The following PML variants were observed in gnomAD, a reference collection of about 807,000 sequenced individuals.
PML encodes the protein PML nuclear body scaffold, also known as protein PML.
A neutral mutation model predicts 65.2 loss-of-function variants in PML; 28 were observed. That is an observed-to-expected ratio of 0.43 (90% CI 0.32 to 0.59). PML has a LOEUF of 0.59. Ranked by LOEUF, PML falls within the 20% of genes least tolerant of loss-of-function variation. PML has a pLI of 0.08. For missense variants in PML, 1,021 were observed against 1,203.4 expected (o/e 0.85, Z 2.24); for synonymous variants, 500 against 508.8 (o/e 0.98, Z 0.23).
chr15:74,001,877 G>A (rs1325566627), intron 2 of PML, among the ~76,000 whole-genome samples: 1 of 151,978 alleles, frequency 6.6e-6, no homozygotes, highest in Admixed American at 6.6e-5. Flanking sequence ...GGTGGTACAT[G>A]CTTGTAGTCC....
intron 4 of PML, chr15:74,025,143 G>C (rs2071016217): frequency 1.8e-6 from 1 of 569,202 alleles, no homozygotes; most frequent in Admixed American, 2.9e-5. Context: ...TGCCAAAGTT[G>C]CTCTTGATGG....
At chr15:74,025,674 T>G (rs2071041516) in intron 4 of PML, 1 of 152,554 alleles carries the variant, frequency 6.6e-6, no homozygotes, top group African/African-American at 2.4e-5. Context: ...CTCCCAACTC[T>G]GGACTGCTCT....
At chr15:74,039,665 G>A (rs558929087) in intron 7 of PML, among the ~76,000 whole-genome samples, 8 of 152,140 alleles carry the variant, frequency 5.3e-5, no homozygotes, top group Admixed American at 1.3e-4. Flanking sequence ...GATTCTAATC[G>A]AATCAGTCTT....
chr15:74,035,802 G>A lies in PML; in HGVS notation c.1710+1272G>A. On this transcript the variant is annotated intron_variant, in intron 7 of 8. Coordinates refer to ENST00000268058, the MANE Select transcript of PML (RefSeq NM_033238.3). The surrounding 1 kb of genome is among the most constrained non-coding windows in gnomAD (Gnocchi z 4.1). ...CAGAGCCCAGACTCTTGGAGCAGGTGTTCCCCCTGGGGACTCTGTCAGAGG... is the reference window on the plus strand; with the variant it reads ...CAGAGCCCAGACTCTTGGAGCAGGTATTCCCCCTGGGGACTCTGTCAGAGG... 6.2e-7 allele frequency: 1 copy of A among 1,614,042 alleles called. No individual in the cohort carries two copies. Among genetic ancestry groups the A allele is most frequent in the Non-Finnish European group, 8.5e-7 (1 of 1,179,996 alleles).
intron 1 of PML, among the ~76,000 whole-genome samples, chr15:73,995,438 G>A (rs1482376867): frequency 1.3e-5 from 2 of 152,184 alleles, no homozygotes; most frequent in African/African-American, 4.8e-5. Context: ...CAGCTCATGT[G>A]GTTTCTGCTT....
chr15:74,043,363 G>C lies in PML; in HGVS notation c.1861+224G>C. ...ATCCAGTGCCTGAGTGTGCGAGAGA[G>C]GCAGATGCCTCCACAAGTGCACCTC... On this transcript the variant is annotated intron_variant, in intron 8 of 8. Coordinates refer to ENST00000268058, the MANE Select transcript of PML (RefSeq NM_033238.3). The surrounding 1 kb of genome is among the most constrained non-coding windows in gnomAD (Gnocchi z 4.3). 6.9e-7 allele frequency: 1 copy of C among 1,440,796 alleles called. No individual in the cohort carries two copies. The highest frequency in any genetic ancestry group is 9.1e-7 in the Non-Finnish European group (1 of 1,104,520). The allele number at this position is 1,440,796 out of a possible 1,614,324, so 89.3% of individuals were successfully genotyped here.
chr15:74,030,860 C>A (rs12901885), intron 4 of PML, among the ~76,000 whole-genome samples: 1 of 151,898 alleles, frequency 6.6e-6, no homozygotes, highest in African/African-American at 2.4e-5. Flanking sequence ...CATTTTAACT[C>A]TTGAAGTGTG....
chr15:74,032,622 T>C lies in PML; in HGVS notation c.1305T>C (p.Ala435=). ...CCCAGGTTCAGGCCCTGGGGCTGGC[T>C]GAAGCCCAGCCTATGGCTGTGGTAC... ...VKAQVQALGL[A]EAQPMAVVQS... Residue 435 remains alanine, a synonymous_variant, in exon 5 of 9, where the codon GCT becomes GCC. Coordinates refer to ENST00000268058, the MANE Select transcript of PML (RefSeq NM_033238.3). 6.2e-7 allele frequency: 1 copy of C among 1,614,068 alleles called. No individual in the cohort carries two copies. Among genetic ancestry groups the C allele is most frequent in the East Asian group, 2.2e-5 (1 of 44,874 alleles).
At position 74,044,568 on chromosome 15, in the gene PML, A is replaced by G; in HGVS notation, c.2209A>G (p.Asn737Asp). 6.2e-7 allele frequency: 1 copy of G among 1,612,172 alleles called. No homozygotes were observed. Residue 737 changes from asparagine to aspartate, a missense_variant, in exon 9 of 9, where the codon AAC (asparagine) becomes GAC (aspartate). Asn to Asp is a conservative substitution (Grantham distance 23). Coordinates refer to ENST00000268058, the MANE Select transcript of PML (RefSeq NM_033238.3). ...KNLAQTYLAR[N>D]MSERSAMAAV... is the part of the protein sequence containing the mutation. ...CCTGGCCCAGACCTACCTGGCGAGA[A>G]ACATGAGCGAGCGCAGCGCCATGGC...
chr15:74,031,279 T>G (rs1176898677), intron 4 of PML: 1 of 444,072 alleles, frequency 2.3e-6, no homozygotes, highest in Non-Finnish European at 4.5e-6. Flanking sequence ...AATTTATTAT[T>G]ATTATTAGTG....
chr15:74,031,787 G>A (rs990009050), intron 4 of PML, among the ~76,000 whole-genome samples: 13 of 152,182 alleles, frequency 8.5e-5, no homozygotes, highest in Admixed American at 8.5e-4. Context: ...ACTGTGCCTG[G>A]CACAGAGTAG....
chr15:74,044,918 G>A lies in PML; in HGVS notation c.2559G>A (p.Leu853=). The change falls in exon 9 of 9, where the codon CTG becomes CTA. Residue 853 remains leucine (L), a synonymous_variant. Coordinates refer to ENST00000268058, the MANE Select transcript of PML (RefSeq NM_033238.3). ...LQALGTYFEG[L]LEGPALARAE... is the part of the protein sequence containing the mutation. Reference sequence around the variant, plus strand: ...CTCTGGGCACCTACTTTGAAGGCCTGTTGGAGGGTCCGGCGCTGGCACGGG... The same window carrying A: ...CTCTGGGCACCTACTTTGAAGGCCTATTGGAGGGTCCGGCGCTGGCACGGG... 1 of 1,613,510 alleles carries A rather than the reference G, an allele frequency of 6.2e-7. No homozygotes were observed. The highest frequency in any genetic ancestry group is 8.5e-7 in the Non-Finnish European group (1 of 1,180,026).
rs535665071 is a variant in PML at position 74,016,792 on chromosome 15, C to CTTTTT, written c.603-6018_603-6014dup. Among the ~76,000 whole-genome samples the CTTTTT allele has an allele frequency of 1.5e-4, 12 of 77,640 alleles. 1 individual carries two copies. Among genetic ancestry groups the CTTTTT allele is most frequent in the African/African-American group, 1.9e-4 (4 of 20,898 alleles). The allele number at this position is 77,640 out of a possible 152,430, so 50.9% of individuals were successfully genotyped here. On this transcript the variant is annotated intron_variant, in intron 2 of 8. Transcript: ENST00000268058. ...TTTTGAATTTTTTAGGCAGTGGCAT[C>CTTTTT]TTTTTTTTTTTTTTTTTTTTTTGAG...
In PML at chr15:74,045,728, A is replaced by G. The variant is rs952548271; in HGVS notation, c.*720A>G. On this transcript the variant is annotated 3_prime_UTR_variant, in exon 9 of 9. Coordinates refer to ENST00000268058, the MANE Select transcript of PML (RefSeq NM_033238.3). ...CTCAGGCCACCAGACCCCTCACAGC[A>G]TGGCCCTTGGCTCTTCCTGCACTGC... The G allele has an allele frequency of 9.0e-5, 21 of 233,558 alleles. No homozygotes were observed. Among genetic ancestry groups the G allele is most frequent in the African/African-American group, 4.4e-4 (20 of 45,292 alleles). The allele number at this position is 233,558 out of a possible 1,614,324, so 14.5% of individuals were successfully genotyped here.
At chr15:74,000,771 T>G (rs1269482219) in intron 2 of PML, among the ~76,000 whole-genome samples, 1 of 152,234 alleles carries the variant, frequency 6.6e-6, no homozygotes, top group Non-Finnish European at 1.5e-5. Flanking sequence ...ATCCAAGATT[T>G]GTTGAATCCA....
intron 3 of PML, 46 bp downstream of exon 3, chr15:74,023,454 A>G: frequency 6.9e-7 from 1 of 1,458,754 alleles, no homozygotes; most frequent in Non-Finnish European, 9.4e-7. Flanking sequence ...CCTCTGCTGC[A>G]CCCTAGGGAA....
At chr15:74,025,121 T>C (rs1447000183) in intron 4 of PML, 194 bp downstream of exon 4, 3 of 591,966 alleles carry the variant, frequency 5.1e-6, no homozygotes, top group African/African-American at 1.9e-5. Context: ...GCTCTGACTC[T>C]AGGCTCCTAA....
Position 74,042,641 on chromosome 15 carries a change from G to C in PML, c.1711-348G>C, listed in dbSNP as rs2071719796. 2 of 985,260 alleles carry C rather than the reference G, an allele frequency of 2.0e-6. No individual in the cohort carries two copies. Among genetic ancestry groups the C allele is most frequent in the African/African-American group, 3.5e-5 (2 of 57,216 alleles). 61.0% of individuals were successfully genotyped at this position (985,260 alleles called of 1,614,324 possible). ...TTTTCTCTCACACTTTCATACACTT[G>C]TGTCAACGCAGGTTCACAGCTCACA... On this transcript the variant is annotated intron_variant, in intron 7 of 8. Coordinates refer to ENST00000268058, the MANE Select transcript of PML (RefSeq NM_033238.3). This position sits in a 1 kb window ranked among gnomAD's most constrained non-coding sequence, Gnocchi z 5.3.
chr15:74,033,011 G>A, intron 5 of PML, 145 bp from the exon 6 acceptor site: 3 of 881,994 alleles, frequency 3.4e-6, no homozygotes, highest in South Asian at 2.8e-5. Flanking sequence ...CCTGTCTGAA[G>A]AGAGACGTAA....
Sources: gnomAD v4.1 joint callset for allele counts (sites outside exome capture counted in the v4.1 genomes callset) on GRCh38, gnomAD v4.1.1 for gene constraint, Gnocchi (gnomAD v3.1) non-coding constraint, MANE v1.5 for transcripts, NCBI Gene and HGNC (gene_info 2026-07-23, HGNC 2026-07-21) for gene names.